Variants in RAB27B observed in about 807,000 individuals in gnomAD.
RAB27B encodes the protein ras-related protein Rab-27B.
A neutral mutation model predicts 24.6 loss-of-function variants in RAB27B; 15 were observed. That is an observed-to-expected ratio of 0.61 (90% CI 0.41 to 0.94). The LOEUF (loss-of-function observed/expected upper bound fraction) is 0.94, where lower values mean the gene tolerates loss of function less well. Ranked by LOEUF, RAB27B falls within the 40% of genes least tolerant of loss-of-function variation. The pLI, the probability that RAB27B is intolerant of heterozygous loss-of-function variation, is 0.00. For synonymous variants in RAB27B, 105 were observed against 92.5 expected, an observed-to-expected ratio of 1.14 and a Z score of -0.78; for missense variants, 261 against 266.8, an observed-to-expected ratio of 0.98 and a Z score of 0.15.
intron 2 of RAB27B, among the ~76,000 whole-genome samples, chr18:54,751,038 C>A (rs1907814200): frequency 6.6e-6 from 1 of 152,156 alleles, no homozygotes; most frequent in Non-Finnish European, 1.5e-5. Flanking sequence ...AGGCCCATGG[C>A]CACCTGAAGA....
At chr18:54,838,215 A>G (rs1420886641) in intron 1 of RAB27B, among the ~76,000 whole-genome samples, 1 of 152,176 alleles carries the variant, frequency 6.6e-6, no homozygotes, top group Non-Finnish European at 1.5e-5. Context: ...TTCTAAAAAA[A>G]TTACAGAATA....
chr18:54,806,847 A>G (rs1909806155), intron 2 of RAB27B, among the ~76,000 whole-genome samples: 1 of 152,220 alleles, frequency 6.6e-6, no homozygotes, highest in Non-Finnish European at 1.5e-5. Context: ...AGTCACTTAA[A>G]GCAAAAATGA....
chr18:54,852,779 T>C (rs534144135), intron 1 of RAB27B, among the ~76,000 whole-genome samples: 6 of 152,344 alleles, frequency 3.9e-5, no homozygotes, highest in African/African-American at 1.4e-4. Context: ...TGTGTGTATA[T>C]CATATCCATG....
chr18:54,743,850 G>A (rs531768331), intron 2 of RAB27B, among the ~76,000 whole-genome samples: 8 of 152,276 alleles, frequency 5.3e-5, no homozygotes, highest in Non-Finnish European at 1.0e-4. Flanking sequence ...GCTCTGTCAC[G>A]TGTTAATGGT....
rs1911809976 is a variant in RAB27B, at chr18:54,856,995, CCATTTTCTTCCTT to C, written c.-19-20560_-19-20548del. The stretch of plus-strand genomic sequence containing the variant: ...TTTTTAAACTACTGTACATGCATTT[CCATTTTCTTCCTT>C]CATTTTCTTCCCTCTCTTGGGTTTA... On this transcript the variant is annotated intron_variant, in intron 1 of 5. Transcript: ENST00000262094. Among the ~76,000 whole-genome samples the C allele has an allele frequency of 2.0e-5, 3 of 152,162 alleles. No individual in the cohort carries two copies. In the South Asian group the frequency reaches 6.2e-4, roughly 32 times the overall value.
chr18:54,847,287 C>A (rs1911376569), intron 1 of RAB27B, among the ~76,000 whole-genome samples: 1 of 152,160 alleles, frequency 6.6e-6, no homozygotes, highest in Non-Finnish European at 1.5e-5. Flanking sequence ...TTCTACTGCA[C>A]ATGTGAAATT....
At chr18:54,734,955 A>G (rs1909843985) in intron 2 of RAB27B, among the ~76,000 whole-genome samples, 2 of 152,198 alleles carry the variant, frequency 1.3e-5, no homozygotes, top group Non-Finnish European at 2.9e-5. Context: ...ATAATTTTGT[A>G]TAACACATTA....
intron 1 of RAB27B, among the ~76,000 whole-genome samples, chr18:54,875,396 C>T (rs1459901953): frequency 6.6e-6 from 1 of 152,162 alleles, no homozygotes. Context: ...ACAAAATAGA[C>T]ATTTTCCAAT....
intron 2 of RAB27B, among the ~76,000 whole-genome samples, chr18:54,767,650 C>G (rs756069328): frequency 7.2e-5 from 11 of 152,162 alleles, no homozygotes; most frequent in South Asian, 4.1e-4. Flanking sequence ...CAGTGTTTAT[C>G]TTATTTAATA....
At chr18:54,784,339 A>G (rs1386545250) in intron 2 of RAB27B, among the ~76,000 whole-genome samples, 1 of 152,104 alleles carries the variant, frequency 6.6e-6, no homozygotes, top group Non-Finnish European at 1.5e-5. Context: ...ACATGTGCAG[A>G]TGTGTTACAT....
intron 2 of RAB27B, among the ~76,000 whole-genome samples, chr18:54,789,260 T>C (rs1023409301): frequency 2.6e-5 from 4 of 152,232 alleles, no homozygotes; most frequent in Non-Finnish European, 5.9e-5. Context: ...ATTATTTCTG[T>C]ATTCATACCA....
At position 54,819,950 on chromosome 18, in the gene RAB27B, T is replaced by G. The variant is rs550579953; in HGVS notation, c.-19-57617T>G. On this transcript the variant is annotated intron_variant, in intron 2 of 4. Coordinates refer to the RAB27B transcript ENST00000586570. ...CCATGTCCCTACAAAGGATATGAAC[T>G]CATCATTTTTTTGGCTGCATAGTAT... is the stretch of plus-strand genomic sequence containing the variant. 3.9e-5 allele frequency among the ~76,000 whole-genome samples: 6 copies of G among 152,314 alleles called. No homozygotes were observed. In the South Asian group the frequency reaches 6.2e-4, roughly 16 times the overall value.
chr18:54,850,333 GATATAT>G (rs35735191), intron 1 of RAB27B, among the ~76,000 whole-genome samples: 1,526 of 95,156 alleles, frequency 0.016, 145 homozygotes, highest in African/African-American at 0.064. Context: ...AAACAAACAG[GATATAT>G]ATATATATAT....
At chr18:54,737,108 G>T (rs1002840075) in intron 2 of RAB27B, among the ~76,000 whole-genome samples, 4 of 151,486 alleles carry the variant, frequency 2.6e-5, no homozygotes, top group African/African-American at 9.7e-5. Flanking sequence ...TGCTCAAAAT[G>T]ATTCTCTCTG....
chr18:54,796,734 A>G (rs1909433256), intron 2 of RAB27B, among the ~76,000 whole-genome samples: 1 of 152,178 alleles, frequency 6.6e-6, no homozygotes, highest in Non-Finnish European at 1.5e-5. Flanking sequence ...GGAAGGCCAG[A>G]GTGGTCTTGG....
intron 2 of RAB27B, among the ~76,000 whole-genome samples, chr18:54,764,601 A>G (rs1378004606): frequency 1.3e-5 from 2 of 152,036 alleles, no homozygotes; most frequent in African/African-American, 2.4e-5. Context: ...CTCCCTTTGG[A>G]TATTTGTCAT....
chr18:54,887,972 G>C (rs772139699), intron 4 of RAB27B, 23 bp from the exon 5 acceptor site: 1 of 1,605,216 alleles, frequency 6.2e-7, no homozygotes, highest in Non-Finnish European at 8.5e-7. Flanking sequence ...TAACTTGCTG[G>C]TTCCATCTGC....
chr18:54,814,710 C>G (rs1327130698), intron 2 of RAB27B, among the ~76,000 whole-genome samples: 1 of 152,082 alleles, frequency 6.6e-6, no homozygotes, highest in African/African-American at 2.4e-5. Context: ...GAATAACAAC[C>G]ATGCCAAAAT....
At chr18:54,723,570 A>T (rs1359840282) in intron 2 of RAB27B, among the ~76,000 whole-genome samples, 4 of 152,184 alleles carry the variant, frequency 2.6e-5, no homozygotes, top group African/African-American at 9.6e-5. Flanking sequence ...GTAAATAATA[A>T]AAAATTTTAT....
Sources: gnomAD v4.1 joint callset for allele counts (sites outside exome capture counted in the v4.1 genomes callset) on GRCh38, gnomAD v4.1.1 for gene constraint, MANE v1.5 for transcripts, NCBI Gene and HGNC (gene_info 2026-07-23, HGNC 2026-07-21) for gene names.